Variants in KAZN observed in about 807,000 individuals in gnomAD.
KAZN encodes kazrin.
A neutral mutation model predicts 87.4 loss-of-function variants in KAZN; 40 were observed. That is an observed-to-expected ratio of 0.46 (90% CI 0.36 to 0.60). KAZN has a LOEUF of 0.60. Among genes scored for constraint, KAZN ranks in the 20% least tolerant of loss-of-function variants. The probability of loss-of-function intolerance (pLI) is 0.00; values close to 1 mark genes in which losing one functional copy is unlikely to be tolerated. For synonymous variants in KAZN, 466 were observed against 458.3 expected, an observed-to-expected ratio of 1.02 and a Z score of -0.22; for missense variants, 898 against 1,073.9, an observed-to-expected ratio of 0.84 and a Z score of 2.29.
chr1:14,364,597 GA>G (rs962818588), intron 2 of KAZN, among the ~76,000 whole-genome samples: 43 of 152,112 alleles, frequency 2.8e-4, no homozygotes, highest in African/African-American at 9.2e-4. Flanking sequence ...ATCATTCTAA[GA>G]AAAAAAATTT....
At chr1:15,064,252 C>A (rs1639043738) in intron 7 of KAZN, among the ~76,000 whole-genome samples, 1 of 152,134 alleles carries the variant, frequency 6.6e-6, no homozygotes, top group African/African-American at 2.4e-5. Flanking sequence ...CCTGGGCTCC[C>A]CACCTGTGGG....
At chr1:15,110,039 GTGTA>G (rs1573321438) in intron 13 of KAZN, among the ~76,000 whole-genome samples, 11 of 35,822 alleles carry the variant, frequency 3.1e-4, no homozygotes, top group South Asian at 2.9e-3. Context: ...TTGTGTATGT[GTGTA>G]TATATATATG....
At chr1:14,130,211 G>T (rs904830772) in intron 1 of KAZN, among the ~76,000 whole-genome samples, 1 of 151,754 alleles carries the variant, frequency 6.6e-6, no homozygotes, top group Non-Finnish European at 1.5e-5. Context: ...ATGTAGCTCT[G>T]AGCATGGTAT....
chr1:14,099,428 C>G lies in KAZN; in HGVS notation c.92-81007C>G, dbSNP rs150516384. ...TTAGAAATGCAAATATAGCCTGTACCCTGTTCCTTCACCAGATACTCCCTA... is the reference window on the plus strand; with the variant it reads ...TTAGAAATGCAAATATAGCCTGTACGCTGTTCCTTCACCAGATACTCCCTA... On this transcript the variant is annotated intron_variant, in intron 1 of 16. Transcript: ENST00000636203. Among the ~76,000 whole-genome samples, 212 of 152,198 alleles carry G rather than the reference C, an allele frequency of 1.4e-3. 2 individuals are homozygous for G. The highest frequency in any genetic ancestry group is 4.6e-3 in the African/African-American group (192 of 41,506).
At chr1:14,221,301 G>C (rs547611629) in intron 2 of KAZN, among the ~76,000 whole-genome samples, 1 of 152,238 alleles carries the variant, frequency 6.6e-6, no homozygotes, top group South Asian at 2.1e-4. Context: ...CATTGTGCTA[G>C]AGGTTTAGAA....
intron 1 of KAZN, among the ~76,000 whole-genome samples, chr1:14,717,517 C>G (rs1642857200): frequency 6.6e-6 from 1 of 152,158 alleles, no homozygotes; most frequent in Non-Finnish European, 1.5e-5. Flanking sequence ...TCTGTGGCCC[C>G]CTCCCTGTGT....
At chr1:14,330,562 A>G (rs746518076) in intron 2 of KAZN, among the ~76,000 whole-genome samples, 4 of 152,364 alleles carry the variant, frequency 2.6e-5, no homozygotes, top group Non-Finnish European at 5.9e-5. Flanking sequence ...GATGTGCAAT[A>G]ACACCAATTC....
chr1:14,271,099 C>G (rs1651888613), intron 2 of KAZN, among the ~76,000 whole-genome samples: 1 of 152,236 alleles, frequency 6.6e-6, no homozygotes, highest in Non-Finnish European at 1.5e-5. Flanking sequence ...AGGCTCTCTC[C>G]TTACTTTGCA....
chr1:14,561,554 C>A (rs1450676637), intron 2 of KAZN, among the ~76,000 whole-genome samples: 1 of 152,106 alleles, frequency 6.6e-6, no homozygotes, highest in Non-Finnish European at 1.5e-5. Context: ...ACTTTCACAT[C>A]CCGGAAGCTG....
chr1:14,392,873 C>G (rs1232894559), intron 2 of KAZN, among the ~76,000 whole-genome samples: 1 of 152,100 alleles, frequency 6.6e-6, no homozygotes, highest in Admixed American at 6.5e-5. Context: ...CATCACTGCT[C>G]CAATCCACTG....
At chr1:14,524,636 G>A (rs1671770498) in intron 2 of KAZN, among the ~76,000 whole-genome samples, 1 of 152,116 alleles carries the variant, frequency 6.6e-6, no homozygotes, top group Non-Finnish European at 1.5e-5. Context: ...TAACCCCCCA[G>A]GCATGTCAGT....
chr1:14,005,349 G>A (rs1443744326), intron 1 of KAZN, among the ~76,000 whole-genome samples: 3 of 152,082 alleles, frequency 2.0e-5, no homozygotes, highest in Non-Finnish European at 4.4e-5. Flanking sequence ...AGAATGGGTT[G>A]CCTAAGGCAG....
At chr1:14,104,148 G>A (rs2101652594) in intron 1 of KAZN, among the ~76,000 whole-genome samples, 1 of 152,314 alleles carries the variant, frequency 6.6e-6, no homozygotes, top group East Asian at 1.9e-4. Context: ...TGGGGACGAG[G>A]GAGGAAGGGT....
At chr1:14,586,705 T>G (rs201280074) in intron 2 of KAZN, among the ~76,000 whole-genome samples, 1 of 19,676 alleles carries the variant, frequency 5.1e-5, no homozygotes, top group Non-Finnish European at 9.3e-5. Flanking sequence ...CCAGATATGT[T>G]TTTTTTTTAC....
intron 2 of KAZN, among the ~76,000 whole-genome samples, chr1:14,193,123 C>T (rs1293415819): frequency 2.0e-5 from 3 of 152,156 alleles, no homozygotes; most frequent in Non-Finnish European, 4.4e-5. Context: ...ACTTCTCCTT[C>T]CTGCCGCCTT....
chr1:14,895,631 G>A (rs1268900638), intron 1 of KAZN, among the ~76,000 whole-genome samples: 3 of 152,184 alleles, frequency 2.0e-5, no homozygotes, highest in Non-Finnish European at 4.4e-5. Flanking sequence ...TTTGGGCTAG[G>A]GGCCTCTGAA....
intron 1 of KAZN, among the ~76,000 whole-genome samples, chr1:14,782,594 T>G (rs116537295): frequency 0.016 from 2,021 of 127,506 alleles, 59 homozygotes; most frequent in African/African-American, 0.055. Context: ...GAAAAAGAAA[T>G]GCACCTCCTA....
intron 1 of KAZN, among the ~76,000 whole-genome samples, chr1:14,038,892 G>T (rs946615065): frequency 1.1e-4 from 16 of 152,152 alleles, no homozygotes; most frequent in African/African-American, 1.9e-4. Context: ...AAGGCCAGGC[G>T]CAGTGGCTCA....
intron 2 of KAZN, among the ~76,000 whole-genome samples, chr1:14,282,195 G>A (rs566956537): frequency 1.5e-4 from 23 of 152,278 alleles, no homozygotes; most frequent in African/African-American, 4.3e-4. Flanking sequence ...CCCTGCACCA[G>A]ATATGACTCA....
Sources: gnomAD v4.1 joint callset for allele counts (sites outside exome capture counted in the v4.1 genomes callset) on GRCh38, gnomAD v4.1.1 for gene constraint, MANE v1.5 for transcripts, NCBI Gene and HGNC (gene_info 2026-07-23, HGNC 2026-07-21) for gene names.